SHROOM3: variants seen among roughly 807,000 people sequenced by gnomAD.
SHROOM3 encodes shroom family member 3, also known as protein Shroom3.
Under a neutral mutation model 138.6 loss-of-function variants are expected in SHROOM3, and 47 were observed. The observed-to-expected ratio is 0.34, with a 90% CI of 0.27 to 0.43. SHROOM3 has a LOEUF of 0.43. Among genes scored for constraint, SHROOM3 ranks in the 20% least tolerant of loss-of-function variants. The probability of loss-of-function intolerance (pLI) is 1.00; values close to 1 mark genes in which losing one functional copy is unlikely to be tolerated. For missense variants in SHROOM3, 2,491 were observed against 2,596.5 expected, an observed-to-expected ratio of 0.96 and a Z score of 0.88; for synonymous variants, 1,062 against 1,063.3, an observed-to-expected ratio of 1.00 and a Z score of 0.02.
chr4:76,773,300 G>A (rs893786862), intron 10 of SHROOM3, among the ~76,000 whole-genome samples: 3 of 150,348 alleles, frequency 2.0e-5, no homozygotes, highest in Non-Finnish European at 4.4e-5. Context: ...CTTGAACCCG[G>A]GAAGCGGAGG....
chr4:76,549,001 G>A (rs1733288466), intron 1 of SHROOM3, among the ~76,000 whole-genome samples: 3 of 152,186 alleles, frequency 2.0e-5, no homozygotes, highest in Non-Finnish European at 2.9e-5. Context: ...AGCTGCTGAA[G>A]TAATTGGTCC....
At chr4:76,596,176 T>C (rs995499238) in intron 2 of SHROOM3, among the ~76,000 whole-genome samples, 1 of 152,174 alleles carries the variant, frequency 6.6e-6, no homozygotes, top group Admixed American at 6.5e-5. Flanking sequence ...AAGTGATATA[T>C]AGTACTTGAT....
chr4:76,577,970 T>G (rs1042767295), intron 2 of SHROOM3, among the ~76,000 whole-genome samples: 2 of 152,104 alleles, frequency 1.3e-5, no homozygotes, highest in Non-Finnish European at 2.9e-5. Flanking sequence ...TGTTCATTGT[T>G]TTTTTTTAAG....
At chr4:76,602,550 T>C (rs923824161) in intron 2 of SHROOM3, among the ~76,000 whole-genome samples, 1 of 152,212 alleles carries the variant, frequency 6.6e-6, no homozygotes, top group Non-Finnish European at 1.5e-5. Context: ...CTAGTGGCAA[T>C]ATATTGATAT....
At chr4:76,487,776 G>A (rs75612278) in intron 1 of SHROOM3, among the ~76,000 whole-genome samples, 5,936 of 152,260 alleles carry the variant, frequency 0.039, 128 homozygotes, top group Middle Eastern at 0.071. Flanking sequence ...CTATAGACTA[G>A]AAACAGAGGT....
intron 10 of SHROOM3, among the ~76,000 whole-genome samples, chr4:76,775,495 T>C (rs774120110): frequency 2.6e-5 from 4 of 152,064 alleles, no homozygotes; most frequent in Non-Finnish European, 4.4e-5. Flanking sequence ...GGAGATTCCT[T>C]AAAGAACTAA....
chr4:76,480,645 C>T (rs994681029), intron 1 of SHROOM3, among the ~76,000 whole-genome samples: 20 of 152,202 alleles, frequency 1.3e-4, no homozygotes, highest in African/African-American at 4.8e-4. Context: ...TAATAGACAT[C>T]TACAGAACTC....
chr4:76,587,432 T>A (rs1658084344), intron 2 of SHROOM3, among the ~76,000 whole-genome samples: 2 of 152,152 alleles, frequency 1.3e-5, no homozygotes, highest in African/African-American at 4.8e-5. Context: ...CCCACCTCAT[T>A]AATTTCAAGG....
chr4:76,532,921 T>G (rs58564630), intron 1 of SHROOM3, among the ~76,000 whole-genome samples: 18,769 of 151,344 alleles, frequency 0.12, 1,682 homozygotes, highest in African/African-American at 0.25. Flanking sequence ...ACACAAGCAC[T>G]GTGATACTGC....
At chr4:76,600,569 A>G (rs1734485022) in intron 2 of SHROOM3, among the ~76,000 whole-genome samples, 1 of 152,176 alleles carries the variant, frequency 6.6e-6, no homozygotes, top group South Asian at 2.1e-4. Context: ...TTCAGCAGCT[A>G]ATAGCACCTA....
At chr4:76,638,187 C>T (rs906718670) in intron 2 of SHROOM3, among the ~76,000 whole-genome samples, 2 of 152,230 alleles carry the variant, frequency 1.3e-5, no homozygotes, top group East Asian at 3.9e-4. Context: ...AATGAATTAT[C>T]TGATGTTGTA....
intron 1 of SHROOM3, among the ~76,000 whole-genome samples, chr4:76,484,914 A>T (rs890923080): frequency 4.6e-5 from 7 of 152,164 alleles, no homozygotes; most frequent in African/African-American, 1.7e-4. Context: ...TTGAGAAGGC[A>T]CTGAAGCTGC....
At chr4:76,544,431 T>C (rs1733168942) in intron 1 of SHROOM3, among the ~76,000 whole-genome samples, 1 of 142,828 alleles carries the variant, frequency 7.0e-6, no homozygotes, top group African/African-American at 2.8e-5. Flanking sequence ...TTTTTTTTTT[T>C]TTTGATGCAG....
intron 1 of SHROOM3, among the ~76,000 whole-genome samples, chr4:76,554,800 G>A (rs1048054329): frequency 3.3e-5 from 5 of 152,032 alleles, no homozygotes; most frequent in African/African-American, 2.4e-5. Flanking sequence ...CAACCAGGCC[G>A]CACAGTAGGA....
intron 3 of SHROOM3, among the ~76,000 whole-genome samples, chr4:76,730,405 TG>T (rs1330676842): frequency 6.6e-6 from 1 of 151,962 alleles, no homozygotes; most frequent in African/African-American, 2.4e-5. Flanking sequence ...CTTTGGGAAA[TG>T]GAAAGGAATT....
At chr4:76,745,775 G>A (rs1427019629) in intron 5 of SHROOM3, among the ~76,000 whole-genome samples, 1 of 152,172 alleles carries the variant, frequency 6.6e-6, no homozygotes, top group Non-Finnish European at 1.5e-5. Context: ...GAGGCCAGGA[G>A]TTCGAGATCA....
At chr4:76,549,581 C>G (rs934687376) in intron 1 of SHROOM3, among the ~76,000 whole-genome samples, 1 of 152,082 alleles carries the variant, frequency 6.6e-6, no homozygotes. Flanking sequence ...GTTGGTCAGG[C>G]TGGTCTCGAA....
At chr4:76,727,566 C>G (rs1486804591) in intron 3 of SHROOM3, among the ~76,000 whole-genome samples, 1 of 152,194 alleles carries the variant, frequency 6.6e-6, no homozygotes, top group East Asian at 1.9e-4. Context: ...GCCATGAACC[C>G]TCAGGCTCCC....
intron 2 of SHROOM3, among the ~76,000 whole-genome samples, chr4:76,607,547 T>A (rs1241545692): frequency 2.0e-5 from 3 of 152,166 alleles, no homozygotes; most frequent in Non-Finnish European, 4.4e-5. Flanking sequence ...CATGTCTTCA[T>A]CCAGGGACCT....
Sources: gnomAD v4.1 joint callset for allele counts (sites outside exome capture counted in the v4.1 genomes callset) on GRCh38, gnomAD v4.1.1 for gene constraint, MANE v1.5 for transcripts, NCBI Gene and HGNC (gene_info 2026-07-23, HGNC 2026-07-21) for gene names.